The following ERG variants were observed in gnomAD, a reference collection of about 807,000 sequenced individuals.
ERG encodes transcriptional regulator ERG.
Under a neutral mutation model 55.3 loss-of-function variants are expected in ERG, and 9 were observed. The observed-to-expected ratio is 0.16, with a 90% CI of 0.10 to 0.28. The LOEUF (loss-of-function observed/expected upper bound fraction) is 0.28, where lower values mean the gene tolerates loss of function less well. Among genes scored for constraint, ERG ranks in the 10% least tolerant of loss-of-function variants. The pLI is 1.00. For missense variants in ERG, 434 were observed against 631.6 expected (o/e 0.69, Z 3.35); for synonymous variants, 223 against 237.3 (o/e 0.94, Z 0.55).
chr21:38,548,185 C>T (rs960165286), intron 2 of ERG, among the ~76,000 whole-genome samples: 1 of 152,086 alleles, frequency 6.6e-6, no homozygotes, highest in Non-Finnish European at 1.5e-5. Flanking sequence ...AGCTCCCCAA[C>T]CCCACCTCTT....
the ERG span, among the ~76,000 whole-genome samples, chr21:38,371,504 C>A: frequency 2.0e-5 from 3 of 151,864 alleles, no homozygotes; most frequent in African/African-American, 7.2e-5. Flanking sequence ...GAAATATTTG[C>A]TATACATTTT....
rs371652920 is a variant in ERG at position 38,383,272 on chromosome 21, C to A, written c.*131G>T. The stretch of plus-strand genomic sequence containing the variant: ...CCCAAGAGTCTTTGGATCTCTTCCC[C>A]GGCTTCCTTCCCCAGCCCCAGTAAA... On this transcript the variant is annotated 3_prime_UTR_variant, in exon 10 of 10. Transcript: ENST00000288319. This position sits in a 1 kb window ranked among gnomAD's most constrained non-coding sequence, Gnocchi z 5.7. 1 of 1,336,548 alleles carries A rather than the reference C, an allele frequency of 7.5e-7. No homozygotes were observed. Among genetic ancestry groups the A allele is most frequent in the East Asian group, 2.7e-5 (1 of 37,326 alleles). 82.8% of individuals were successfully genotyped at this position (1,336,548 alleles called of 1,614,324 possible).
At position 38,546,348 on chromosome 21, in the gene ERG, C is replaced by T. The variant is rs192954186; in HGVS notation, c.-41+29314G>A. Among the ~76,000 whole-genome samples, 15 of 152,258 alleles carry T rather than the reference C, an allele frequency of 9.9e-5. No individual in the cohort carries two copies. In the East Asian group the frequency reaches 1.7e-3, roughly 18 times the overall value. ...TCAAACACAAAGCCAACATGCCATA[C>T]GAAAAGATAGTACTGTGCTTCCTTC... On this transcript the variant is annotated intron_variant, in intron 2 of 8. Coordinates refer to the ERG transcript ENST00000398897.
chr21:38,436,224 T>C (rs2058788800), intron 2 of ERG, among the ~76,000 whole-genome samples: 1 of 152,066 alleles, frequency 6.6e-6, no homozygotes, highest in African/African-American at 2.4e-5. Context: ...TTGGCCAGGC[T>C]GGTCTCGAAC....
At chr21:38,505,422 T>C (rs1438909825) in intron 2 of ERG, among the ~76,000 whole-genome samples, 1 of 152,206 alleles carries the variant, frequency 6.6e-6, no homozygotes, top group African/African-American at 2.4e-5. Flanking sequence ...GAGGTGCAGC[T>C]GAAGTGAAGG....
intron 3 of ERG, among the ~76,000 whole-genome samples, chr21:38,405,180 C>T (rs1988706339): frequency 6.6e-6 from 1 of 152,172 alleles, no homozygotes; most frequent in Non-Finnish European, 1.5e-5. Flanking sequence ...CACTCCTATA[C>T]ATATTTTAAT....
intron 2 of ERG, among the ~76,000 whole-genome samples, chr21:38,527,054 G>T (rs1467730390): frequency 6.6e-6 from 1 of 152,162 alleles, no homozygotes; most frequent in African/African-American, 2.4e-5. Context: ...TCAGATCTGA[G>T]AGTAATTTTC....
chr21:38,373,094 T>G, the ERG span, among the ~76,000 whole-genome samples: 1 of 152,168 alleles, frequency 6.6e-6, no homozygotes, highest in Admixed American at 6.5e-5. Flanking sequence ...CAAGTAAAGG[T>G]ACAGGGATCC....
chr21:38,645,581 T>C lies in ERG; in HGVS notation c.-150+16077A>G, dbSNP rs369308468. Among the ~76,000 whole-genome samples, 9 of 152,308 alleles carry C rather than the reference T, an allele frequency of 5.9e-5. No homozygotes were observed. In the East Asian group the frequency reaches 1.5e-3, roughly 26 times the overall value. On this transcript the variant is annotated intron_variant, in intron 1 of 10. Coordinates refer to the ERG transcript ENST00000398910. ...TCTGCGGCTTGGGCTCCAAATTCAA[T>C]GTGTGGATCACCACTGACTCAAACT...
intron 9 of ERG, among the ~76,000 whole-genome samples, chr21:38,386,789 AT>A (rs34882520): frequency 0.18 from 26,697 of 148,158 alleles, 2,414 homozygotes; most frequent in African/African-American, 0.22. Context: ...CTTCAGATCT[AT>A]TTTTTTTTTT....
At chr21:38,400,288 G>C in intron 6 of ERG, 1 of 523,670 alleles carries the variant, frequency 1.9e-6, no homozygotes, top group Non-Finnish European at 3.6e-6. Context: ...TTCAAAAGTC[G>C]GCCTATTCCT....
upstream of ERG, among the ~76,000 whole-genome samples, chr21:38,585,525 CTCTCT>C (rs1274080595): frequency 6.8e-5 from 3 of 44,216 alleles, no homozygotes; most frequent in African/African-American, 1.9e-4. Flanking sequence ...CAGTCCCTCT[CTCTCT>C]TCTTTTTTTT....
At chr21:38,440,640 G>A (rs1173034397) in intron 2 of ERG, among the ~76,000 whole-genome samples, 1 of 151,982 alleles carries the variant, frequency 6.6e-6, no homozygotes, top group Non-Finnish European at 1.5e-5. Flanking sequence ...GGACAACATG[G>A]TGAAGCCCCA....
At chr21:38,637,845 G>A (rs1231453833) in intron 1 of ERG, among the ~76,000 whole-genome samples, 1 of 152,004 alleles carries the variant, frequency 6.6e-6, no homozygotes, top group Non-Finnish European at 1.5e-5. Flanking sequence ...GTACACATGT[G>A]TATGTATGCA....
intron 2 of ERG, among the ~76,000 whole-genome samples, chr21:38,521,803 T>G (rs2059596731): frequency 6.6e-6 from 1 of 152,302 alleles, no homozygotes; most frequent in South Asian, 2.1e-4. Flanking sequence ...ACTTAGCAAT[T>G]AAGATCACCG....
At chr21:38,434,040 A>G (rs1990348482) in intron 2 of ERG, among the ~76,000 whole-genome samples, 1 of 151,970 alleles carries the variant, frequency 6.6e-6, no homozygotes, top group African/African-American at 2.4e-5. Flanking sequence ...CTCTCCCCCA[A>G]ACAGAAATGC....
At chr21:38,538,724 G>A (rs189212602) in intron 2 of ERG, among the ~76,000 whole-genome samples, 1 of 152,144 alleles carries the variant, frequency 6.6e-6, no homozygotes, top group Non-Finnish European at 1.5e-5. Flanking sequence ...AGCAGGCTGG[G>A]GGACAGAAGA....
At chr21:38,481,048 A>C (rs1245907512) in intron 1 of ERG, among the ~76,000 whole-genome samples, 1 of 152,342 alleles carries the variant, frequency 6.6e-6, no homozygotes, top group East Asian at 1.9e-4. Context: ...AGTTCCTTTT[A>C]ATTATCCTAA....
At chr21:38,402,490 G>T (rs1988542441) in intron 5 of ERG, 67 bp downstream of exon 5, 2 of 1,227,842 alleles carry the variant, frequency 1.6e-6, no homozygotes, top group Non-Finnish European at 1.2e-6. Context: ...GGTTTCCCAT[G>T]AAAGCATGCA....
Sources: allele counts gnomAD v4.1 joint callset (sites outside exome capture counted in the v4.1 genomes callset), GRCh38; gene constraint gnomAD v4.1.1; non-coding constraint Gnocchi (gnomAD v3.1); transcripts MANE v1.5; gene names NCBI Gene and HGNC (gene_info 2026-07-23, HGNC 2026-07-21).